Variants in UNC80 observed in about 807,000 individuals in gnomAD.
UNC80 encodes unc-80 subunit of NALCN channel complex.
A neutral mutation model predicts 384.6 loss-of-function variants in UNC80; 164 were observed. That is an observed-to-expected ratio of 0.43 (90% CI 0.38 to 0.49). The LOEUF (loss-of-function observed/expected upper bound fraction) is 0.49, where lower values mean the gene tolerates loss of function less well. Ranked by LOEUF, UNC80 falls within the 20% of genes least tolerant of loss-of-function variation. UNC80 has a pLI of 0.00. For synonymous variants in UNC80, 1,486 were observed against 1,527.8 expected (o/e 0.97, Z 0.64); for missense variants, 3,330 against 4,143.0 (o/e 0.80, Z 5.39).
At chr2:209,863,640 T>A (rs912844924) in intron 22 of UNC80, among the ~76,000 whole-genome samples, 1 of 151,986 alleles carries the variant, frequency 6.6e-6, no homozygotes, top group African/African-American at 2.4e-5. Context: ...TATTGATACT[T>A]GTGTGTGCTT....
At chr2:209,942,292 A>C (rs1439503566) in intron 44 of UNC80, among the ~76,000 whole-genome samples, 1 of 152,202 alleles carries the variant, frequency 6.6e-6, no homozygotes. Flanking sequence ...CCCTGATGCC[A>C]AAAAGGTTGG....
At position 209,816,965 on chromosome 2, in the gene UNC80, A is replaced by G. The variant is rs1574574364; in HGVS notation, c.1392A>G (p.Thr464=). The G allele has an allele frequency of 1.3e-6, 2 of 1,551,708 alleles. No homozygotes were observed. The highest frequency in any genetic ancestry group is 3.9e-5 in the Admixed American group (2 of 51,002). The change falls in exon 10 of 65, where the codon ACA becomes ACG. Residue 464 remains threonine, a synonymous_variant. Coordinates refer to ENST00000673920, the MANE Select transcript of UNC80 (RefSeq NM_001371986.1). ...AAGGCTCCATTCCATTCCACCACAC[A>G]GGCAAGAGGAGGCCACGGAGAATGG... ...ERKGSIPFHH[T]GKRRPRRMGV...
At chr2:209,796,770 C>G (rs2078187265) in intron 7 of UNC80, among the ~76,000 whole-genome samples, 1 of 152,162 alleles carries the variant, frequency 6.6e-6, no homozygotes. Context: ...TCTGAGGCCT[C>G]CCCAGCCATG....
intron 50 of UNC80, 74 bp downstream of exon 50, chr2:209,959,228 G>T (rs2092512800): frequency 3.4e-6 from 5 of 1,487,354 alleles, no homozygotes; most frequent in Non-Finnish European, 4.6e-6. Flanking sequence ...CTGGTTTATG[G>T]CTCTATTAGA....
At position 209,829,257 on chromosome 2, in the gene UNC80, A is replaced by G; in HGVS notation, c.2504A>G (p.Tyr835Cys). Residue 835 changes from tyrosine to cysteine, a missense_variant, in exon 15 of 65, where the codon TAC becomes TGC. Coordinates refer to ENST00000673920, the MANE Select transcript of UNC80 (RefSeq NM_001371986.1). Reference sequence around the variant, plus strand: ...GCCCAGAACTGCCTCACTAAGCTATACAAGCTAGATAAGATGCAGTTCCGA... The same window carrying G: ...GCCCAGAACTGCCTCACTAAGCTATGCAAGCTAGATAAGATGCAGTTCCGA... ...ENAQNCLTKL[Y>C]KLDKMQFRQT... The G allele has an allele frequency of 1.3e-6, 2 of 1,551,356 alleles. No homozygotes were observed. The highest frequency in any genetic ancestry group is 1.4e-5 in the African/African-American group (1 of 73,130).
At chr2:209,987,669 C>G (rs1007739007) in intron 61 of UNC80, among the ~76,000 whole-genome samples, 2 of 151,896 alleles carry the variant, frequency 1.3e-5, no homozygotes, top group African/African-American at 4.8e-5. Context: ...ACAGTCAACT[C>G]TAATTTTTTT....
Position 209,957,754 on chromosome 2 carries a change from AT to A in UNC80, c.7550+20del. On this transcript the variant is annotated intron_variant, in intron 49 of 64. Transcript: ENST00000673920. Reference sequence around the variant, plus strand: ...AACACCAGGTAATTCACTGCGCCTTATTCTTCTATGGTCTCTCAATTTCATA... The same window carrying A: ...AACACCAGGTAATTCACTGCGCCTTATCTTCTATGGTCTCTCAATTTCATA... The A allele has an allele frequency of 6.5e-7, 1 of 1,550,232 alleles. No homozygotes were observed. The highest frequency in any genetic ancestry group is 8.7e-7 in the Non-Finnish European group (1 of 1,145,760).
At chr2:209,903,153 T>A (rs2087620385) in intron 28 of UNC80, among the ~76,000 whole-genome samples, 1 of 151,536 alleles carries the variant, frequency 6.6e-6, no homozygotes, top group Non-Finnish European at 1.5e-5. Context: ...ACTGTATTGA[T>A]AATGATTCCC....
At chr2:209,837,873 A>G (rs1003827998) in intron 18 of UNC80, among the ~76,000 whole-genome samples, 12 of 150,156 alleles carry the variant, frequency 8.0e-5, no homozygotes, top group South Asian at 6.3e-4. Flanking sequence ...CTGGGTTCAC[A>G]CCATTCTCCT....
At chr2:209,928,290 C>T (rs1188338679) in intron 36 of UNC80, among the ~76,000 whole-genome samples, 1 of 152,028 alleles carries the variant, frequency 6.6e-6, no homozygotes, top group African/African-American at 2.4e-5. Flanking sequence ...GAGCCGAAAC[C>T]GCACCACTGC....
At chr2:209,853,693 C>T (rs751474120) in intron 22 of UNC80, among the ~76,000 whole-genome samples, 30 of 152,104 alleles carry the variant, frequency 2.0e-4, no homozygotes, top group South Asian at 1.0e-3. Flanking sequence ...ATGTCTACTT[C>T]CTATATTTTT....
chr2:209,847,132 C>T (rs2082226798), intron 21 of UNC80, among the ~76,000 whole-genome samples: 1 of 151,938 alleles, frequency 6.6e-6, no homozygotes, highest in Non-Finnish European at 1.5e-5. Context: ...ATTGTATAAA[C>T]AGATTGGGCT....
At chr2:209,830,584 G>C (rs949236678) in intron 15 of UNC80, among the ~76,000 whole-genome samples, 2 of 152,172 alleles carry the variant, frequency 1.3e-5, no homozygotes, top group Non-Finnish European at 2.9e-5. Context: ...AGATGTGGGA[G>C]TGGATCACAG....
chr2:209,886,878 C>G (rs1347607944), intron 25 of UNC80, among the ~76,000 whole-genome samples: 2 of 152,100 alleles, frequency 1.3e-5, no homozygotes, highest in Non-Finnish European at 2.9e-5. Context: ...GGACAGAAAT[C>G]CAAGGCAGGT....
At chr2:209,978,780 T>G (rs2093077873) in intron 59 of UNC80, 72 bp downstream of exon 59, 1 of 1,353,452 alleles carries the variant, frequency 7.4e-7, no homozygotes, top group South Asian at 1.8e-5. Flanking sequence ...GAAGGATTAC[T>G]GCCCTTCTGA....
intron 13 of UNC80, 138 bp from the exon 14 acceptor site, chr2:209,825,769 T>A (rs1559152477): frequency 1.3e-6 from 1 of 749,366 alleles, no homozygotes; most frequent in Non-Finnish European, 1.9e-6. Context: ...TTGAGCCCGT[T>A]ACAATTCTGT....
Position 209,926,965 on chromosome 2 carries a change from G to C in UNC80, c.5785G>C (p.Val1929Leu). The stretch of plus-strand genomic sequence containing the variant: ...TGTTCATCTGATGGAGGATGGTGAG[G>C]TGCGGGAAGATGGAGTAGCAGGTAC... ...PIVHLMEDGEVREDGVAVSAV... is the reference protein window; with the variant it reads ...PIVHLMEDGELREDGVAVSAV... Residue 1929 changes from valine (V) to leucine (L), a missense_variant, in exon 36 of 65, where the codon GTG becomes CTG. By Grantham distance (32) the Val-to-Leu change is conservative. Around this residue, in one of 8 missense-constraint regions of UNC80, gnomAD observed 1,049 missense variants for 1,488.6 expected, o/e 0.70. Transcript: ENST00000673920. The C allele has an allele frequency of 6.4e-7, 1 of 1,552,046 alleles. No individual in the cohort carries two copies.
intron 36 of UNC80, among the ~76,000 whole-genome samples, chr2:209,929,316 T>C (rs772436754): frequency 6.6e-6 from 1 of 152,176 alleles, no homozygotes; most frequent in Non-Finnish European, 1.5e-5. Context: ...AATAGCACTT[T>C]CTTTCTCATT....
chr2:209,809,346 GGCCTTCTCCA>G (rs2079164776), intron 7 of UNC80: 2 of 840,078 alleles, frequency 2.4e-6, no homozygotes, highest in Admixed American at 3.5e-5. Flanking sequence ...CCTGCGGGAA[GGCCTTCTCCA>G]GACCCTGGCT....
Sources: allele counts gnomAD v4.1 joint callset (sites outside exome capture counted in the v4.1 genomes callset), GRCh38; gene constraint gnomAD v4.1.1; regional missense constraint gnomAD v4.1.1; transcripts MANE v1.5; gene names NCBI Gene and HGNC (gene_info 2026-07-23, HGNC 2026-07-21).